The following RUNX1 variants were observed in gnomAD, a reference collection of about 807,000 sequenced individuals.
RUNX1 encodes runt-related transcription factor 1.
Under a neutral mutation model 42.8 loss-of-function variants are expected in RUNX1, and 19 were observed. The observed-to-expected ratio is 0.44, with a 90% CI of 0.31 to 0.65. The LOEUF (loss-of-function observed/expected upper bound fraction) is 0.65, where lower values mean the gene tolerates loss of function less well. Among genes scored for constraint, RUNX1 ranks in the 30% least tolerant of loss-of-function variants. The pLI, the probability that RUNX1 is intolerant of heterozygous loss-of-function variation, is 0.07. For missense variants in RUNX1, 528 were observed against 672.0 expected, an observed-to-expected ratio of 0.79 and a Z score of 2.37; for synonymous variants, 271 against 289.4, an observed-to-expected ratio of 0.94 and a Z score of 0.64.
intron 5 of RUNX1, among the ~76,000 whole-genome samples, chr21:34,873,561 G>A (rs114821184): frequency 9.8e-5 from 15 of 152,288 alleles, no homozygotes; most frequent in African/African-American, 3.4e-4. Context: ...GAAATCAGAG[G>A]AAACGCATTT....
intron 2 of RUNX1, among the ~76,000 whole-genome samples, chr21:34,922,325 C>T (rs950213888): frequency 2.6e-5 from 4 of 152,116 alleles, no homozygotes; most frequent in Non-Finnish European, 5.9e-5. Context: ...TGCAATGTAC[C>T]ATCCCTGGGC....
At chr21:34,965,537 G>GA (rs199616846) in intron 2 of RUNX1, among the ~76,000 whole-genome samples, 1 of 152,018 alleles carries the variant, frequency 6.6e-6, no homozygotes, top group Admixed American at 6.6e-5. Context: ...GAAAAAAAGA[G>GA]AAAAAAAGCT....
rs550638726 is a variant in RUNX1 at position 34,849,417 on chromosome 21, T to TAG, written c.613+10056_613+10057insCT. 6.9e-3 allele frequency among the ~76,000 whole-genome samples: 315 copies of TAG among 45,524 alleles called. 22 individuals are homozygous for TAG. The highest frequency in any genetic ancestry group is 0.025 in the African/African-American group (309 of 12,548). The allele number at this position is 45,524 out of a possible 152,430, so 29.9% of individuals were successfully genotyped here. ...AATATATTATACTATATATAATATA[T>TAG]TATATAGTATATATATTATATATAT... On this transcript the variant is annotated intron_variant, in intron 6 of 8. Coordinates refer to ENST00000675419, the MANE Select transcript of RUNX1 (RefSeq NM_001754.5).
intron 3 of RUNX1, chr21:34,888,276 C>T (rs1304626259): frequency 3.7e-6 from 4 of 1,067,328 alleles, no homozygotes; most frequent in Non-Finnish European, 4.5e-6. Flanking sequence ...TGAGGGAGGG[C>T]TCCGCGGCGC....
intron 2 of RUNX1, among the ~76,000 whole-genome samples, chr21:34,919,224 C>CTGT (rs753702182): frequency 3.3e-5 from 5 of 152,158 alleles, no homozygotes; most frequent in Non-Finnish European, 7.3e-5. Context: ...CTAGTCGAAG[C>CTGT]TGTTTCCCTT....
chr21:34,878,378 C>T (rs1221580194), intron 5 of RUNX1, among the ~76,000 whole-genome samples: 2 of 145,446 alleles, frequency 1.4e-5, no homozygotes, highest in Non-Finnish European at 1.5e-5. Flanking sequence ...TATATATATA[C>T]ACACACACAT....
At chr21:34,958,795 C>A (rs1028024040) in intron 2 of RUNX1, among the ~76,000 whole-genome samples, 8 of 151,674 alleles carry the variant, frequency 5.3e-5, no homozygotes, top group Non-Finnish European at 1.0e-4. Flanking sequence ...GACTTGGAAC[C>A]AACCCAAATG....
At chr21:34,865,658 C>T (rs997494615) in intron 5 of RUNX1, among the ~76,000 whole-genome samples, 44 of 152,308 alleles carry the variant, frequency 2.9e-4, no homozygotes, top group African/African-American at 9.4e-4. Context: ...TTAGTCTTGA[C>T]GTTGGCGGCC....
chr21:34,922,531 A>G (rs543687641), intron 2 of RUNX1, among the ~76,000 whole-genome samples: 1 of 152,334 alleles, frequency 6.6e-6, no homozygotes, highest in South Asian at 2.1e-4. Flanking sequence ...GCAGGTATTA[A>G]CAGGGTAAGG....
At chr21:35,023,563 T>G (rs1482868005) in intron 2 of RUNX1, among the ~76,000 whole-genome samples, 1 of 152,204 alleles carries the variant, frequency 6.6e-6, no homozygotes, top group African/African-American at 2.4e-5. Context: ...GTGGTTCAAG[T>G]TGACCTGCGG....
intron 7 of RUNX1, among the ~76,000 whole-genome samples, chr21:34,826,485 T>A (rs1253094366): frequency 7.2e-6 from 1 of 139,460 alleles, no homozygotes; most frequent in South Asian, 2.4e-4. Flanking sequence ...TCACCCAGGC[T>A]GGAGTGCAGT....
At chr21:34,911,661 C>T (rs1197547684) in intron 2 of RUNX1, among the ~76,000 whole-genome samples, 1 of 152,148 alleles carries the variant, frequency 6.6e-6, no homozygotes, top group African/African-American at 2.4e-5. Flanking sequence ...CTCTCCTCCA[C>T]CCAAACTCCT....
Position 34,887,070 on chromosome 21 carries a change from G to C in RUNX1, c.124C>G (p.Pro42Ala). 6.3e-7 allele frequency: 1 copy of C among 1,599,168 alleles called. No individual in the cohort carries two copies. The highest frequency in any genetic ancestry group is 8.5e-7 in the Non-Finnish European group (1 of 1,179,890). Residue 42 changes from proline (P) to alanine (A), a missense_variant, in exon 4 of 9, where the codon CCG becomes GCG. Physicochemically the swap from Pro to Ala is conservative, Grantham distance 27 (BLOSUM62 -1). Transcript: ENST00000675419. ...CCTGGGCTCAGCGCGGTGGAAGGCG[G>C]CGTGAAGCGGCGGCTCGTGCTGGCA... ...HDASTSRRFT[P>A]PSTALSPGKM...
rs1422166337 is a variant in RUNX1 at position 34,843,309 on chromosome 21, GAC to G, written c.614-8710_614-8709del. Among the ~76,000 whole-genome samples the G allele has an allele frequency of 3.3e-5, 5 of 151,736 alleles. No homozygotes were observed. Among genetic ancestry groups the G allele is most frequent in the Non-Finnish European group, 5.9e-5 (4 of 67,922 alleles). On this transcript the variant is annotated intron_variant, in intron 6 of 8. Transcript: ENST00000675419. This position sits in a 1 kb window ranked among gnomAD's most constrained non-coding sequence, Gnocchi z 4.8. ...AGACACATATATTAAGACATGCACAGACACACATACACATACAGACACAAACC... is the reference window on the plus strand; with the variant it reads ...AGACACATATATTAAGACATGCACAGACACATACACATACAGACACAAACC...
chr21:34,967,412 C>T (rs2058729171), intron 2 of RUNX1, among the ~76,000 whole-genome samples: 1 of 146,910 alleles, frequency 6.8e-6, no homozygotes, highest in South Asian at 2.2e-4. Context: ...GGATGGACCC[C>T]TCACCAGGCC....
At chr21:34,930,270 G>GTA (rs1555906427) in intron 2 of RUNX1, among the ~76,000 whole-genome samples, 6,041 of 122,930 alleles carry the variant, frequency 0.049, 179 homozygotes, top group East Asian at 0.075. Flanking sequence ...GTGTGTGTAT[G>GTA]TATATATATA....
In RUNX1 at chr21:34,962,748, G is replaced by T. The variant is rs180906893; in HGVS notation, c.59-69785C>A. On this transcript the variant is annotated intron_variant, in intron 2 of 8. Coordinates refer to ENST00000675419, the MANE Select transcript of RUNX1 (RefSeq NM_001754.5). ...TCGCGTTGCAATCATTTTGCAAAGG[G>T]TGATTCAGAGATGGGGAACATGGCG... 8.5e-5 allele frequency among the ~76,000 whole-genome samples: 13 copies of T among 152,310 alleles called. No homozygotes were observed. In the East Asian group the frequency reaches 2.5e-3, roughly 29 times the overall value.
intron 6 of RUNX1, chr21:34,859,208 G>A (rs2057536000): frequency 2.0e-6 from 1 of 507,648 alleles, no homozygotes; most frequent in East Asian, 3.5e-5. Flanking sequence ...TTAGTTTCAT[G>A]CTGCCCTGAA....
At chr21:34,919,786 G>A (rs2058340504) in intron 2 of RUNX1, among the ~76,000 whole-genome samples, 1 of 152,194 alleles carries the variant, frequency 6.6e-6, no homozygotes, top group South Asian at 2.1e-4. Context: ...CCAAAATAAC[G>A]ATTGTAGGAC....
Sources: gnomAD v4.1 joint callset for allele counts (sites outside exome capture counted in the v4.1 genomes callset) on GRCh38, gnomAD v4.1.1 for gene constraint, Gnocchi (gnomAD v3.1) non-coding constraint, MANE v1.5 for transcripts, NCBI Gene and HGNC (gene_info 2026-07-23, HGNC 2026-07-21) for gene names.